The following NFKB1 variants were observed in gnomAD, a reference collection of about 807,000 sequenced individuals.
NFKB1 encodes nuclear factor kappa B subunit 1.
NFKB1 carries 9 observed loss-of-function variants against 105.1 expected under a neutral mutation model. The observed-to-expected ratio is 0.09, with a 90% confidence interval of 0.05 to 0.15. The LOEUF (loss-of-function observed/expected upper bound fraction) is 0.15. Among genes scored for constraint, NFKB1 ranks in the 10% least tolerant of loss-of-function variants. NFKB1 has a pLI of 1.00. For missense variants in NFKB1, 830 were observed against 1,203.7 expected, an observed-to-expected ratio of 0.69 and a Z score of 4.59; for synonymous variants, 440 against 442.2, an observed-to-expected ratio of 1.00 and a Z score of 0.06.
Position 102,613,320 on chromosome 4 carries a change from G to A in NFKB1, c.2593-105G>A, listed in dbSNP as rs1728609563. 18 of 1,177,826 alleles carry A rather than the reference G, an allele frequency of 1.5e-5. No individual in the cohort carries two copies. In the East Asian group the frequency reaches 4.1e-4, roughly 27 times the overall value. The allele number at this position is 1,177,826 out of a possible 1,614,324, so 73.0% of individuals were successfully genotyped here. On this transcript the variant is annotated intron_variant, in intron 22 of 23. Transcript: ENST00000226574. ...CTTTCCATTTCCTCCTGGCTCCTGA[G>A]TGGAGGAGGCAGCATGGAAGAGGGA... is the stretch of plus-strand genomic sequence containing the variant.
intron 5 of NFKB1, among the ~76,000 whole-genome samples, chr4:102,563,350 C>T (rs1208673794): frequency 6.6e-6 from 1 of 151,666 alleles, no homozygotes; most frequent in African/African-American, 2.4e-5. Flanking sequence ...TTAGCAAAGC[C>T]CAATAAAATA....
At chr4:102,567,599 A>G (rs1723984734) in intron 6 of NFKB1, among the ~76,000 whole-genome samples, 1 of 152,332 alleles carries the variant, frequency 6.6e-6, no homozygotes, top group Middle Eastern at 3.4e-3. Flanking sequence ...GAATGCATAA[A>G]TATCATTTCA....
chr4:102,574,427 T>A (rs759014241), intron 6 of NFKB1, among the ~76,000 whole-genome samples: 11 of 152,204 alleles, frequency 7.2e-5, no homozygotes, highest in Non-Finnish European at 1.5e-4. Flanking sequence ...CTTTGACATA[T>A]TTCCTCACAC....
At chr4:102,571,210 C>G (rs2149173878) in intron 6 of NFKB1, among the ~76,000 whole-genome samples, 1 of 152,232 alleles carries the variant, frequency 6.6e-6, no homozygotes, top group South Asian at 2.1e-4. Flanking sequence ...CTTTGACAAA[C>G]CTGACAAAAA....
In NFKB1 at chr4:102,501,591, C is replaced by A. The variant is rs1486514283; in HGVS notation, c.-205C>A. 2 of 147,188 alleles carry A rather than the reference C, an allele frequency of 1.4e-5. No individual in the cohort carries two copies. Among genetic ancestry groups the A allele is most frequent in the Non-Finnish European group, 3.0e-5 (2 of 66,188 alleles). The allele number at this position is 147,188 out of a possible 1,614,324, so 9.1% of individuals were successfully genotyped here. A position where few individuals can be genotyped will look rare whatever the true frequency, so the allele number is the denominator to read the frequency against. Reference sequence around the variant, plus strand: ...GCCACCGCGCGCCCTGCGCTTCCCTCCGCCCGCGCTGCGGCCATGGCGCGG... The same window carrying A: ...GCCACCGCGCGCCCTGCGCTTCCCTACGCCCGCGCTGCGGCCATGGCGCGG... On this transcript the variant is annotated 5_prime_UTR_variant, in exon 1 of 24. Transcript: ENST00000226574.
intron 10 of NFKB1, among the ~76,000 whole-genome samples, chr4:102,583,317 G>A (rs1243998498): frequency 6.6e-6 from 1 of 151,980 alleles, no homozygotes; most frequent in Non-Finnish European, 1.5e-5. Context: ...TTGAAATTTA[G>A]TACTTAGCTT....
intron 1 of NFKB1, among the ~76,000 whole-genome samples, chr4:102,510,366 G>C (rs185418677): frequency 6.6e-6 from 1 of 152,184 alleles, no homozygotes; most frequent in Non-Finnish European, 1.5e-5. Flanking sequence ...CCAATTAACT[G>C]TGTGGCTCTG....
intron 1 of NFKB1, among the ~76,000 whole-genome samples, chr4:102,505,066 C>T (rs1739339067): frequency 6.6e-6 from 1 of 151,932 alleles, no homozygotes; most frequent in Admixed American, 6.6e-5. Context: ...TGCTTCATAC[C>T]TTTGGTCTCT....
chr4:102,596,474 A>G, intron 14 of NFKB1, 142 bp downstream of exon 14: 2 of 576,146 alleles, frequency 3.5e-6, no homozygotes, highest in East Asian at 3.1e-5. Flanking sequence ...CCTTTGGAAA[A>G]GCATATGTCA....
intron 4 of NFKB1, among the ~76,000 whole-genome samples, chr4:102,536,432 T>C (rs1184025509): frequency 6.6e-6 from 1 of 152,140 alleles, no homozygotes; most frequent in Non-Finnish European, 1.5e-5. Context: ...ACTTTAGGCC[T>C]TACTTATCTG....
At chr4:102,595,507 A>G (rs1578808054) in intron 13 of NFKB1, among the ~76,000 whole-genome samples, 2 of 152,198 alleles carry the variant, frequency 1.3e-5, no homozygotes, top group East Asian at 3.8e-4. Context: ...GTGCTTTTAC[A>G]TGTTTTAACT....
At chr4:102,531,872 G>A (rs1248108794) in intron 3 of NFKB1, among the ~76,000 whole-genome samples, 2 of 152,112 alleles carry the variant, frequency 1.3e-5, no homozygotes, top group South Asian at 4.1e-4. Flanking sequence ...ATGTAAACAT[G>A]CTTCCAACTC....
Position 102,606,476 on chromosome 4 carries a change from C to T in NFKB1, c.1753-20C>T. ...GTATTCACTGCTGACCAGTGAATCT[C>T]CTGCCCTTTCACTTTCCAGACGCCC... On this transcript the variant is annotated intron_variant, in intron 16 of 23. Coordinates refer to ENST00000226574, the MANE Select transcript of NFKB1 (RefSeq NM_003998.4). 2 of 1,611,808 alleles carry T rather than the reference C, an allele frequency of 1.2e-6. No individual in the cohort carries two copies. The highest frequency in any genetic ancestry group is 1.7e-6 in the Non-Finnish European group (2 of 1,178,600).
rs1045948785 is a variant in NFKB1 at position 102,516,927 on chromosome 4, C to T, written c.-7-8585C>T. On this transcript the variant is annotated intron_variant, in intron 1 of 23. Coordinates refer to ENST00000226574, the MANE Select transcript of NFKB1 (RefSeq NM_003998.4). The stretch of plus-strand genomic sequence containing the variant: ...TCGTGTGGTCTTTCTGAAATCACAA[C>T]TGAATGCTCACAATGTTCAGTGATG... Among the ~76,000 whole-genome samples the T allele has an allele frequency of 9.2e-5, 14 of 152,198 alleles. 1 individual carries two copies. The highest frequency in any genetic ancestry group is 1.3e-4 in the Non-Finnish European group (9 of 68,038).
In NFKB1 at chr4:102,613,392, AG is replaced by A; in HGVS notation, c.2593-32del. 4.4e-6 allele frequency: 7 copies of A among 1,607,524 alleles called. No individual in the cohort carries two copies. The Middle Eastern group carries it at 9.1e-4, about 208-fold the overall frequency. ...CAGCCTGCACTGGGACTCGAACACA[AG>A]AACATGCTCCTCCTTCCTTTCTTTC... On this transcript the variant is annotated intron_variant, in intron 22 of 23. Coordinates refer to ENST00000226574, the MANE Select transcript of NFKB1 (RefSeq NM_003998.4).
chr4:102,605,259 A>T (rs2149219062), intron 16 of NFKB1, among the ~76,000 whole-genome samples: 1 of 152,304 alleles, frequency 6.6e-6, no homozygotes, highest in African/African-American at 2.4e-5. Flanking sequence ...AGAAAATGAA[A>T]GAAATAAGGG....
intron 23 of NFKB1, 47 bp downstream of exon 23, chr4:102,613,628 A>T (rs747017676): frequency 1.9e-6 from 3 of 1,579,650 alleles, no homozygotes; most frequent in Non-Finnish European, 2.6e-6. Flanking sequence ...CAGCTCCCCC[A>T]GGCTGGTGTC....
chr4:102,587,686 G>A (rs1578798808), intron 11 of NFKB1, among the ~76,000 whole-genome samples: 2 of 152,150 alleles, frequency 1.3e-5, no homozygotes, highest in East Asian at 3.9e-4. Context: ...ACAATACAAA[G>A]TTTAAGAACT....
At chr4:102,605,954 A>C (rs1727682782) in intron 16 of NFKB1, among the ~76,000 whole-genome samples, 1 of 152,254 alleles carries the variant, frequency 6.6e-6, no homozygotes, top group African/African-American at 2.4e-5. Flanking sequence ...GTGAAAACAT[A>C]GCCTTAATTT....
Sources: allele counts gnomAD v4.1 joint callset (sites outside exome capture counted in the v4.1 genomes callset), GRCh38; gene constraint gnomAD v4.1.1; transcripts MANE v1.5; gene names NCBI Gene and HGNC (gene_info 2026-07-23, HGNC 2026-07-21).